The following ARK2C variants were observed in gnomAD, a reference collection of about 807,000 sequenced individuals.
ARK2C encodes arkadia (RNF111) C-terminal like ring finger ubiquitin ligase 2C, also known as E3 ubiquitin-protein ligase ARK2C.
At chr18:46,452,799 G>T in the ARK2C span, among the ~76,000 whole-genome samples, 13 of 152,184 alleles carry the variant, frequency 8.5e-5, no homozygotes, top group African/African-American at 3.1e-4. Context: ...TGCATTGGTC[G>T]AGAGCACTCT....
chr18:46,418,077 C>T, the ARK2C span, among the ~76,000 whole-genome samples: 1 of 151,866 alleles, frequency 6.6e-6, no homozygotes, highest in Non-Finnish European at 1.5e-5. Context: ...TGAAAACAGG[C>T]TAAGTGTGGT....
At chr18:46,334,258 C>G in the ARK2C span, 1 of 1,479,554 alleles carries the variant, frequency 6.8e-7, no homozygotes, top group Non-Finnish European at 9.0e-7. The surrounding 1 kb of genome is among the most constrained non-coding windows in gnomAD (Gnocchi z 4.4). Context: ...GCCGCCGCCG[C>G]CGCGCGAGGA....
the ARK2C span, among the ~76,000 whole-genome samples, chr18:46,438,260 G>A: frequency 6.6e-6 from 1 of 152,198 alleles, no homozygotes; most frequent in Admixed American, 6.5e-5. Flanking sequence ...AGCAAAGGCT[G>A]GAGACACTGC....
At chr18:46,342,495 G>T in the ARK2C span, among the ~76,000 whole-genome samples, 1 of 152,202 alleles carries the variant, frequency 6.6e-6, no homozygotes, top group African/African-American at 2.4e-5. Flanking sequence ...AGACAGGGAG[G>T]GTGCATGGTG....
chr18:46,339,132 A>G, the ARK2C span, among the ~76,000 whole-genome samples: 2 of 152,218 alleles, frequency 1.3e-5, no homozygotes, highest in Non-Finnish European at 2.9e-5. Flanking sequence ...TTACAAGGCT[A>G]GTCCTCTGAA....
chr18:46,406,135 A>T, the ARK2C span, among the ~76,000 whole-genome samples: 1 of 151,938 alleles, frequency 6.6e-6, no homozygotes, highest in Admixed American at 6.6e-5. Flanking sequence ...ACACACACTT[A>T]CCCCAACACA....
chr18:46,343,208 GCCCA>G, the ARK2C span, among the ~76,000 whole-genome samples: 1 of 152,194 alleles, frequency 6.6e-6, no homozygotes, highest in African/African-American at 2.4e-5. Context: ...ACTCCTCTCT[GCCCA>G]CCAGCAGCCC....
the ARK2C span, chr18:46,337,262 T>C: frequency 1.0e-6 from 1 of 985,430 alleles, no homozygotes; most frequent in Non-Finnish European, 1.2e-6. Context: ...CAAAATGGTT[T>C]TCCATTAAAC....
chr18:46,452,332 T>G, the ARK2C span, among the ~76,000 whole-genome samples: 14 of 152,152 alleles, frequency 9.2e-5, no homozygotes, highest in Non-Finnish European at 1.8e-4. Context: ...CAGGCTGGAG[T>G]GCAGTGGCAC....
chr18:46,373,153 A>T, the ARK2C span, among the ~76,000 whole-genome samples: 1 of 152,262 alleles, frequency 6.6e-6, no homozygotes, highest in Non-Finnish European at 1.5e-5. Context: ...GGTAAGCAGA[A>T]GGGCCTCCTG....
the ARK2C span, among the ~76,000 whole-genome samples, chr18:46,341,634 G>C: frequency 6.6e-5 from 10 of 152,082 alleles, no homozygotes; most frequent in African/African-American, 2.2e-4. Flanking sequence ...TTCCTGGTTG[G>C]GGTAGGAAAT....
chr18:46,455,339 G>A, the ARK2C span, among the ~76,000 whole-genome samples: 9 of 152,238 alleles, frequency 5.9e-5, no homozygotes, highest in African/African-American at 2.2e-4. Context: ...GGTGTTGAGG[G>A]GGAGTGGATG....
chr18:46,344,083 G>A, the ARK2C span, among the ~76,000 whole-genome samples: 1 of 152,210 alleles, frequency 6.6e-6, no homozygotes, highest in Non-Finnish European at 1.5e-5. Flanking sequence ...AGAAGGAGGG[G>A]GACAGTCACC....
At chr18:46,427,748 T>C in the ARK2C span, among the ~76,000 whole-genome samples, 1 of 152,288 alleles carries the variant, frequency 6.6e-6, no homozygotes, top group Non-Finnish European at 1.5e-5. Context: ...GGGATCCAGA[T>C]ACAGCAAAGA....
the ARK2C span, among the ~76,000 whole-genome samples, chr18:46,415,338 G>T: frequency 2.0e-5 from 3 of 152,044 alleles, no homozygotes; most frequent in Non-Finnish European, 2.9e-5. Context: ...GGCTAACACG[G>T]TGAAACCCCA....
chr18:46,364,149 T>C, the ARK2C span, among the ~76,000 whole-genome samples: 3 of 151,850 alleles, frequency 2.0e-5, no homozygotes, highest in African/African-American at 4.8e-5. Context: ...GATTTCTCCA[T>C]GTTGGCCAGG....
the ARK2C span, chr18:46,336,868 T>C: frequency 1.0e-6 from 1 of 985,230 alleles, no homozygotes; most frequent in Non-Finnish European, 1.2e-6. Context: ...AGGCAAAAAA[T>C]GTTAAACATA....
At chr18:46,460,489 G>A in the ARK2C span, 1 of 151,874 alleles carries the variant, frequency 6.6e-6, no homozygotes, top group African/African-American at 2.4e-5. Context: ...TAGATATCGT[G>A]GGTTCTTATT....
At chr18:46,377,342 T>C in the ARK2C span, among the ~76,000 whole-genome samples, 1 of 152,170 alleles carries the variant, frequency 6.6e-6, no homozygotes, top group Non-Finnish European at 1.5e-5. Flanking sequence ...ACTCGCTATA[T>C]GCCAGGAATT....
Sources: allele counts gnomAD v4.1 joint callset (sites outside exome capture counted in the v4.1 genomes callset), GRCh38; gene constraint gnomAD v4.1.1; non-coding constraint Gnocchi (gnomAD v3.1); transcripts MANE v1.5; gene names NCBI Gene and HGNC (gene_info 2026-07-23, HGNC 2026-07-21).